NIPAL3: variants seen among roughly 807,000 people sequenced by gnomAD.
NIPAL3 encodes the protein NIPA-like protein 3.
A neutral mutation model predicts 47.2 loss-of-function variants in NIPAL3; 41 were observed. That is an observed-to-expected ratio of 0.87 (90% CI 0.68 to 1.13). The LOEUF (loss-of-function observed/expected upper bound fraction) is 1.13, where lower values mean the gene tolerates loss of function less well. Among genes scored for constraint, NIPAL3 ranks in the 50% most tolerant of loss-of-function variants. The pLI, the probability that NIPAL3 is intolerant of heterozygous loss-of-function variation, is 0.00. For synonymous variants in NIPAL3, 194 were observed against 209.6 expected, an observed-to-expected ratio of 0.93 and a Z score of 0.64; for missense variants, 449 against 530.1, an observed-to-expected ratio of 0.85 and a Z score of 1.50.
rs367712413 is a variant in NIPAL3, at chr1:24,445,267, T to C, written c.394+23T>C. ...TGAGTAAGTTCAGTGATTTGAGCTG[T>C]GTCCTTGATTTTATATGAACGCTTT... On this transcript the variant is annotated intron_variant, in intron 5 of 11. Coordinates refer to ENST00000374399, the MANE Select transcript of NIPAL3 (RefSeq NM_020448.5). The C allele has an allele frequency of 2.6e-6, 4 of 1,553,182 alleles. No homozygotes were observed. The African/African-American group carries it at 5.4e-5, about 21-fold the overall frequency.
chr1:24,458,672 G>A (rs1473594668), intron 8 of NIPAL3, among the ~76,000 whole-genome samples: 1 of 152,096 alleles, frequency 6.6e-6, no homozygotes, highest in Admixed American at 6.5e-5. Flanking sequence ...ATGGGGATGG[G>A]CCTTAGCTGT....
chr1:24,421,316 C>T (rs1644319661), intron 2 of NIPAL3, among the ~76,000 whole-genome samples: 1 of 151,948 alleles, frequency 6.6e-6, no homozygotes. Context: ...TGCACCACTG[C>T]ACTCCAGCCT....
intron 5 of NIPAL3, among the ~76,000 whole-genome samples, chr1:24,447,313 T>A (rs9424363): frequency 0.7 from 106,616 of 152,164 alleles, 38,262 homozygotes; most frequent in African/African-American, 0.88. Flanking sequence ...ATGGATAGAT[T>A]TGTGAGAAAA....
intron 2 of NIPAL3, among the ~76,000 whole-genome samples, chr1:24,438,154 G>A (rs1175900586): frequency 3.9e-5 from 6 of 152,178 alleles, no homozygotes; most frequent in Admixed American, 3.3e-4. Context: ...AACCCTGGCT[G>A]GGCAGGTCTC....
In NIPAL3 at chr1:24,419,297, G is replaced by T; in HGVS notation, c.-251G>T. ...TTCCTCTCCACCACCCTAGAGCACC[G>T]CAAGAACTGGAAAACACACCCCTCT... On this transcript the variant is annotated 5_prime_UTR_variant, in exon 2 of 12. Transcript: ENST00000374399. 1.7e-6 allele frequency: 2 copies of T among 1,201,634 alleles called. No individual in the cohort carries two copies. Among genetic ancestry groups the T allele is most frequent in the Non-Finnish European group, 2.1e-6 (2 of 967,530 alleles). 74.4% of individuals were successfully genotyped at this position (1,201,634 alleles called of 1,614,324 possible). A position where few individuals can be genotyped will look rare whatever the true frequency, so the allele number is the denominator to read the frequency against.
chr1:24,468,014 C>T (rs1646771352), intron 11 of NIPAL3, among the ~76,000 whole-genome samples: 1 of 152,000 alleles, frequency 6.6e-6, no homozygotes, highest in Non-Finnish European at 1.5e-5. Context: ...AAGTTGGCCT[C>T]AAAAGTAATC....
At chr1:24,419,171 TG>T in intron 1 of NIPAL3, 119 bp from the exon 2 acceptor site, 1 of 359,102 alleles carries the variant, frequency 2.8e-6, no homozygotes, top group Non-Finnish European at 3.9e-6. Context: ...ATTTTTTTAA[TG>T]GACTCACTTG....
At chr1:24,452,853 AT>A (rs3054551) in intron 6 of NIPAL3, among the ~76,000 whole-genome samples, 138 of 124,172 alleles carry the variant, frequency 1.1e-3, no homozygotes, top group Admixed American at 2.3e-3. Context: ...CGCCCAGCTA[AT>A]TTTTTTTTTT....
chr1:24,436,645 C>T (rs34975098), intron 2 of NIPAL3, among the ~76,000 whole-genome samples: 28,802 of 144,366 alleles, frequency 0.2, 3,247 homozygotes, highest in East Asian at 0.3. Flanking sequence ...CCCACCACCA[C>T]GCCCAGATAA....
In NIPAL3 at chr1:24,440,245, G is replaced by A; in HGVS notation, c.162+5G>A. On this transcript the variant is annotated splice_donor_5th_base_variant and intron_variant, in intron 3 of 11. Coordinates refer to ENST00000374399, the MANE Select transcript of NIPAL3 (RefSeq NM_020448.5). Reference sequence around the variant, plus strand: ...AGCATTGCACTTAACCTCCAGGTAAGTTTCAGTTACCAGCACTGTCTGGGG... The same window carrying A: ...AGCATTGCACTTAACCTCCAGGTAAATTTCAGTTACCAGCACTGTCTGGGG... 1 of 1,586,844 alleles carries A rather than the reference G, an allele frequency of 6.3e-7. No homozygotes were observed.
chr1:24,427,920 C>T (rs940594331), intron 2 of NIPAL3, among the ~76,000 whole-genome samples: 5 of 152,182 alleles, frequency 3.3e-5, no homozygotes, highest in Non-Finnish European at 7.3e-5. Flanking sequence ...ATAGAATCTA[C>T]AATCCCTCTT....
At chr1:24,428,720 C>T (rs924394830) in intron 2 of NIPAL3, among the ~76,000 whole-genome samples, 3 of 152,228 alleles carry the variant, frequency 2.0e-5, no homozygotes, top group Non-Finnish European at 4.4e-5. Flanking sequence ...ATCTGCCTTT[C>T]ATCAGTTGAT....
intron 10 of NIPAL3, among the ~76,000 whole-genome samples, chr1:24,463,403 G>C (rs368524841): frequency 6.6e-6 from 1 of 152,170 alleles, no homozygotes; most frequent in Admixed American, 6.5e-5. Flanking sequence ...TTCTGAGGGG[G>C]ATGGACGTAT....
Position 24,442,092 on chromosome 1 carries a change from C to T in NIPAL3, c.200C>T (p.Pro67Leu). ...CHIRLAGSKD[P>L]RAYFKTKTWW... The stretch of plus-strand genomic sequence containing the variant: ...ATCCGCCTGGCAGGCTCCAAGGATC[C>T]CCGGGCCTATTTCAAGACCAAGACA... The change falls in exon 4 of 12, where the codon CCC (proline) becomes CTC (leucine). Residue 67 changes from proline to leucine, a missense_variant. By Grantham distance (98) the Pro-to-Leu change is moderately conservative. Coordinates refer to ENST00000374399, the MANE Select transcript of NIPAL3 (RefSeq NM_020448.5). The T allele has an allele frequency of 6.2e-7, 1 of 1,614,150 alleles. No individual in the cohort carries two copies. Among genetic ancestry groups the T allele is most frequent in the East Asian group, 2.2e-5 (1 of 44,880 alleles).
chr1:24,423,441 C>A (rs958376349), intron 2 of NIPAL3, among the ~76,000 whole-genome samples: 1 of 152,110 alleles, frequency 6.6e-6, no homozygotes, highest in Non-Finnish European at 1.5e-5. Context: ...GAGATCGAGA[C>A]CACGGTGAAA....
intron 1 of NIPAL3, among the ~76,000 whole-genome samples, chr1:24,417,854 G>A (rs1644132394): frequency 6.6e-6 from 1 of 152,262 alleles, no homozygotes; most frequent in South Asian, 2.1e-4. Context: ...GGATACACAG[G>A]AGGCAGCTCT....
chr1:24,437,649 G>C (rs1016623071), intron 2 of NIPAL3, among the ~76,000 whole-genome samples: 1 of 152,128 alleles, frequency 6.6e-6, no homozygotes, highest in South Asian at 2.1e-4. Context: ...CTAATGATTT[G>C]CTCAGGCCTC....
At chr1:24,455,172 C>T (rs1030230785) in intron 7 of NIPAL3, among the ~76,000 whole-genome samples, 2 of 152,198 alleles carry the variant, frequency 1.3e-5, no homozygotes, top group Non-Finnish European at 2.9e-5. Context: ...AGCACAGCAG[C>T]AGGGACCGGG....
chr1:24,458,562 A>C (rs533877868), intron 8 of NIPAL3, among the ~76,000 whole-genome samples: 51 of 149,676 alleles, frequency 3.4e-4, no homozygotes, highest in African/African-American at 1.2e-3. Flanking sequence ...GGCTCTTTTT[A>C]GTGGGGTGGG....
Sources: allele counts gnomAD v4.1 joint callset (sites outside exome capture counted in the v4.1 genomes callset), GRCh38; gene constraint gnomAD v4.1.1; transcripts MANE v1.5; gene names NCBI Gene and HGNC (gene_info 2026-07-23, HGNC 2026-07-21).